Variants in OSBPL1A observed in about 807,000 individuals in gnomAD.
OSBPL1A encodes the protein oxysterol binding protein like 1A.
In OSBPL1A, 80 loss-of-function variants were observed where a neutral mutation model predicts 137.1. The observed-to-expected ratio is 0.58, with a 90% CI of 0.49 to 0.70. The LOEUF (loss-of-function observed/expected upper bound fraction) is 0.70. OSBPL1A is among the 30% of genes least tolerant of loss of function. OSBPL1A has a pLI of 0.00. For missense variants in OSBPL1A, 970 were observed against 1,129.4 expected, an observed-to-expected ratio of 0.86 and a Z score of 2.02; for synonymous variants, 365 against 389.7, an observed-to-expected ratio of 0.94 and a Z score of 0.75.
intron 17 of OSBPL1A, among the ~76,000 whole-genome samples, chr18:24,222,991 G>A (rs1041579741): frequency 1.3e-5 from 2 of 151,824 alleles, no homozygotes; most frequent in African/African-American, 2.4e-5. Context: ...AGAAATCTAC[G>A]ACGAGGTCAA....
At chr18:24,197,117 G>C (rs866627642) in intron 17 of OSBPL1A, among the ~76,000 whole-genome samples, 2 of 152,288 alleles carry the variant, frequency 1.3e-5, no homozygotes, top group African/African-American at 4.8e-5. Context: ...GGAGTCCAAG[G>C]TGGGCAGATC....
At chr18:24,242,173 C>A (rs1337081424) in intron 15 of OSBPL1A, among the ~76,000 whole-genome samples, 1 of 151,626 alleles carries the variant, frequency 6.6e-6, no homozygotes, top group Non-Finnish European at 1.5e-5. Flanking sequence ...AAATTCCTAA[C>A]GCAGATGACA....
intron 17 of OSBPL1A, among the ~76,000 whole-genome samples, chr18:24,200,427 T>C (rs1235012369): frequency 6.6e-6 from 1 of 151,668 alleles, no homozygotes; most frequent in Admixed American, 6.6e-5. Context: ...GCAGGTGCAG[T>C]GGTGGGTGCC....
intron 2 of OSBPL1A, among the ~76,000 whole-genome samples, chr18:24,375,897 G>A (rs574548580): frequency 2.2e-4 from 34 of 151,968 alleles, no homozygotes; most frequent in Admixed American, 8.5e-4. Flanking sequence ...GAATGAAGCC[G>A]CGGACCCTCG....
In OSBPL1A at chr18:24,221,230, T is replaced by C. The variant is rs145712180; in HGVS notation, c.1601+3812A>G. 7.2e-4 allele frequency among the ~76,000 whole-genome samples: 110 copies of C among 152,366 alleles called. 1 individual carries two copies. The East Asian group carries it at 0.02, about 27-fold the overall frequency. The stretch of plus-strand genomic sequence containing the variant: ...TCTTAGCTTACGTTTTCAGCCTCTT[T>C]GTTTACCTTCAATTCGTGGGTGCAT... On this transcript the variant is annotated intron_variant, in intron 17 of 27. Coordinates refer to ENST00000319481, the MANE Select transcript of OSBPL1A (RefSeq NM_080597.4).
At chr18:24,375,127 G>A (rs1221365854) in intron 2 of OSBPL1A, among the ~76,000 whole-genome samples, 1 of 151,828 alleles carries the variant, frequency 6.6e-6, no homozygotes, top group Non-Finnish European at 1.5e-5. Context: ...CCAGCCTGGG[G>A]AACACAGCAA....
chr18:24,269,883 C>CACACACACACACAT (rs971952711), intron 15 of OSBPL1A, among the ~76,000 whole-genome samples: 58 of 151,680 alleles, frequency 3.8e-4, no homozygotes, highest in African/African-American at 1.4e-3. Flanking sequence ...CACACACACA[C>CACACACACACACAT]ACCATGCTAA....
At chr18:24,229,356 C>G (rs886410605) in intron 16 of OSBPL1A, among the ~76,000 whole-genome samples, 4 of 152,196 alleles carry the variant, frequency 2.6e-5, no homozygotes, top group Non-Finnish European at 5.9e-5. Flanking sequence ...ACATCAATTA[C>G]ATGATTTACA....
intron 16 of OSBPL1A, among the ~76,000 whole-genome samples, chr18:24,234,207 C>G (rs927559012): frequency 3.9e-5 from 6 of 152,140 alleles, no homozygotes; most frequent in African/African-American, 1.4e-4. Flanking sequence ...AATACTTTAT[C>G]CACAGTGGTT....
intron 2 of OSBPL1A, among the ~76,000 whole-genome samples, chr18:24,376,580 C>T (rs1906159986): frequency 6.6e-6 from 1 of 152,232 alleles, no homozygotes; most frequent in Non-Finnish European, 1.5e-5. Flanking sequence ...CATGCGCCCG[C>T]ACTCCTCAGC....
chr18:24,341,692 G>A, intron 4 of OSBPL1A, 34 bp from the exon 5 acceptor site: 1 of 1,473,824 alleles, frequency 6.8e-7, no homozygotes, highest in Non-Finnish European at 9.4e-7. Context: ...TAACTATTAA[G>A]CTAAGATTTT....
At position 24,362,873 on chromosome 18, in the gene OSBPL1A, AC is replaced by A. The variant is rs148034366; in HGVS notation, c.282+4018del. ...TAAAGAAACAAACTGAGAGGCAGTT[AC>A]TCCAGAGGAATGGCAGGAACTTGGA... On this transcript the variant is annotated intron_variant, in intron 4 of 27. Coordinates refer to ENST00000319481, the MANE Select transcript of OSBPL1A (RefSeq NM_080597.4). Among the ~76,000 whole-genome samples, 470 of 152,306 alleles carry A rather than the reference AC, an allele frequency of 3.1e-3. 3 individuals carry two copies. The highest frequency in any genetic ancestry group is 0.011 in the African/African-American group (451 of 41,570).
At chr18:24,344,587 G>A in intron 4 of OSBPL1A, among the ~76,000 whole-genome samples, 1 of 152,244 alleles carries the variant, frequency 6.6e-6, no homozygotes. Flanking sequence ...GGGAGCAGGT[G>A]CTGGAGGAAG....
intron 16 of OSBPL1A, among the ~76,000 whole-genome samples, chr18:24,227,555 G>A (rs1443822284): frequency 2.0e-5 from 3 of 152,162 alleles, no homozygotes; most frequent in Non-Finnish European, 4.4e-5. Flanking sequence ...GTTTGTTTAG[G>A]GCACGTGTGG....
intron 15 of OSBPL1A, among the ~76,000 whole-genome samples, chr18:24,248,669 C>T (rs1300022808): frequency 6.6e-6 from 1 of 152,162 alleles, no homozygotes. Flanking sequence ...CAAACTGTAC[C>T]TTCAGACATT....
At chr18:24,317,790 A>G (rs543181406) in intron 9 of OSBPL1A, among the ~76,000 whole-genome samples, 194 of 152,342 alleles carry the variant, frequency 1.3e-3, no homozygotes, top group African/African-American at 4.3e-3. Context: ...AGATACATAA[A>G]TAGATTAAGG....
At chr18:24,196,606 C>T (rs1192226039) in intron 17 of OSBPL1A, among the ~76,000 whole-genome samples, 1 of 152,108 alleles carries the variant, frequency 6.6e-6, no homozygotes, top group Admixed American at 6.5e-5. Context: ...ATGATGTAAA[C>T]AAAATGCCAT....
chr18:24,359,256 T>G (rs2146183258), intron 4 of OSBPL1A, among the ~76,000 whole-genome samples: 2 of 148,542 alleles, frequency 1.3e-5, no homozygotes, highest in South Asian at 4.4e-4. Context: ...AAGAGAGAGA[T>G]ATGGTGGGGG....
intron 4 of OSBPL1A, among the ~76,000 whole-genome samples, chr18:24,356,566 A>C (rs1197486003): frequency 6.6e-6 from 1 of 152,052 alleles, no homozygotes; most frequent in Non-Finnish European, 1.5e-5. Context: ...CCAGAAATAC[A>C]CCTAGTGGTC....
Sources: allele counts gnomAD v4.1 joint callset (sites outside exome capture counted in the v4.1 genomes callset), GRCh38; gene constraint gnomAD v4.1.1; transcripts MANE v1.5; gene names NCBI Gene and HGNC (gene_info 2026-07-23, HGNC 2026-07-21).